Variants in CCDC66 observed in about 807,000 individuals in gnomAD.
CCDC66 encodes the protein coiled-coil domain-containing protein 66.
Under a neutral mutation model 128.3 loss-of-function variants are expected in CCDC66, and 133 were observed. The observed-to-expected ratio is 1.04, with a 90% confidence interval of 0.90 to 1.20. CCDC66 has a LOEUF of 1.20. CCDC66 is among the 50% of genes most tolerant of loss of function. The pLI, the probability that CCDC66 is intolerant of heterozygous loss-of-function variation, is 0.00. For missense variants in CCDC66, 1,126 were observed against 1,075.5 expected, an observed-to-expected ratio of 1.05 and a Z score of -0.66; for synonymous variants, 387 against 357.0, an observed-to-expected ratio of 1.08 and a Z score of -0.95.
At chr3:56,560,413 C>T (rs1178277760) in intron 3 of CCDC66, among the ~76,000 whole-genome samples, 1 of 152,044 alleles carries the variant, frequency 6.6e-6, no homozygotes, top group Non-Finnish European at 1.5e-5. Flanking sequence ...CACTATGTTG[C>T]ATAGGCTGGA....
chr3:56,583,335 T>G (rs1270574734), intron 7 of CCDC66, among the ~76,000 whole-genome samples: 3 of 151,870 alleles, frequency 2.0e-5, no homozygotes, highest in Admixed American at 6.6e-5. Flanking sequence ...CATTCTTGGG[T>G]GTTTCTCCCA....
At chr3:56,584,772 A>G (rs2069297501) in intron 7 of CCDC66, among the ~76,000 whole-genome samples, 1 of 151,890 alleles carries the variant, frequency 6.6e-6, no homozygotes, top group Non-Finnish European at 1.5e-5. Flanking sequence ...GCTAGCCGAG[A>G]TCACTCCACT....
At chr3:56,557,331 T>C (rs2107674114) in intron 1 of CCDC66, 78 bp downstream of exon 1, 2 of 1,528,114 alleles carry the variant, frequency 1.3e-6, no homozygotes, top group East Asian at 4.9e-5. Flanking sequence ...GTGTCTGGGT[T>C]GTCCCTTGGA....
In CCDC66 at chr3:56,566,966, C is replaced by G. The variant is rs2065941321; in HGVS notation, c.727C>G (p.Pro243Ala). 1 of 1,613,370 alleles carries G rather than the reference C, an allele frequency of 6.2e-7. No homozygotes were observed. The highest frequency in any genetic ancestry group is 1.3e-5 in the African/African-American group (1 of 74,844). ...TTACCTTAGAGAGAATGAATGGAAACCAGCTGATATATTCAGTACTCTGGG... is the reference window on the plus strand; with the variant it reads ...TTACCTTAGAGAGAATGAATGGAAAGCAGCTGATATATTCAGTACTCTGGG... ...QKIAIENEWKPADIFSTLGER... is the reference protein window; with the variant it reads ...QKIAIENEWKAADIFSTLGER... Residue 243 changes from proline to alanine, a missense_variant, in exon 6 of 18, where the codon CCA (proline) becomes GCA (alanine). Physicochemically the swap from Pro to Ala is conservative, Grantham distance 27. Transcript: ENST00000394672.
intron 7 of CCDC66, among the ~76,000 whole-genome samples, chr3:56,590,793 C>T (rs1230518396): frequency 6.6e-6 from 1 of 151,762 alleles, no homozygotes; most frequent in Non-Finnish European, 1.5e-5. Context: ...GCTCCAAACA[C>T]GTTTAGGAAA....
At chr3:56,567,497 A>G (rs1011154330) in intron 6 of CCDC66, among the ~76,000 whole-genome samples, 1 of 152,242 alleles carries the variant, frequency 6.6e-6, no homozygotes, top group African/African-American at 2.4e-5. Context: ...GACAAAAGGC[A>G]AATTAATAAA....
intron 7 of CCDC66, among the ~76,000 whole-genome samples, chr3:56,584,315 GGGGTTCTTC>G (rs2069131226): frequency 6.7e-6 from 1 of 149,308 alleles, no homozygotes; most frequent in African/African-American, 2.5e-5. Flanking sequence ...GCCGGGCGGA[GGGGTTCTTC>G]ACTTCTCAGA....
rs1372926533 is a variant in CCDC66, at chr3:56,566,616, C to T, written c.567C>T (p.Asn189=). The change falls in exon 5 of 18, where the codon AAC becomes AAT. Residue 189 remains asparagine (N), a synonymous_variant. Coordinates refer to ENST00000394672, the MANE Select transcript of CCDC66 (RefSeq NM_001141947.3). The stretch of plus-strand genomic sequence containing the variant: ...TAGGTCAATATAGTCTATATTTAAA[C>T]AGTATTTCTAATCAGCCAAAGGATG... The part of the protein sequence containing the change: ...EAKSQYSLYL[N]SISNQPKDEN... 5 of 1,582,660 alleles carry T rather than the reference C, an allele frequency of 3.2e-6. No individual in the cohort carries two copies. Among genetic ancestry groups the T allele is most frequent in the Middle Eastern group, 1.7e-4 (1 of 5,940 alleles).
chr3:56,585,171 T>C (rs2069442614), intron 7 of CCDC66, among the ~76,000 whole-genome samples: 1 of 151,582 alleles, frequency 6.6e-6, no homozygotes, highest in South Asian at 2.1e-4. Flanking sequence ...TTAAGAGTTT[T>C]TTAAGAAAAT....
At chr3:56,613,805 G>C in intron 11 of CCDC66, 55 bp downstream of exon 11, 3 of 1,442,738 alleles carry the variant, frequency 2.1e-6, no homozygotes, top group Non-Finnish European at 2.9e-6. Context: ...TTTTGAGACA[G>C]GGTCTCACTC....
Position 56,613,513 on chromosome 3 carries a change from C to T in CCDC66, c.1405-76C>T. The T allele has an allele frequency of 3.3e-6, 5 of 1,521,888 alleles. No individual in the cohort carries two copies. The South Asian group carries it at 6.5e-5, about 20-fold the overall frequency. 94.3% of individuals were successfully genotyped at this position (1,521,888 alleles called of 1,614,324 possible). Reference sequence around the variant, plus strand: ...TGGAAGAGGTGAGCACTGAATGTATCTAGTCAGCCATCTTGAATTCCCTCC... The same window carrying T: ...TGGAAGAGGTGAGCACTGAATGTATTTAGTCAGCCATCTTGAATTCCCTCC... On this transcript the variant is annotated intron_variant, in intron 10 of 17. Coordinates refer to ENST00000394672, the MANE Select transcript of CCDC66 (RefSeq NM_001141947.3).
intron 7 of CCDC66, among the ~76,000 whole-genome samples, chr3:56,590,854 A>T (rs2070757320): frequency 1.3e-5 from 2 of 152,244 alleles, no homozygotes; most frequent in South Asian, 4.1e-4. Flanking sequence ...AGATAGAGTG[A>T]AAAAGTCAGT....
Position 56,570,085 on chromosome 3 carries a change from C to G in CCDC66, c.815-1096C>G, listed in dbSNP as rs1014539730. ...TCCTAACCTCAGGTGATCCGCCTGC[C>G]TTGGCCTCCCGAAGTGCTGTGATTA... On this transcript the variant is annotated intron_variant, in intron 6 of 17. Coordinates refer to ENST00000394672, the MANE Select transcript of CCDC66 (RefSeq NM_001141947.3). 2.0e-5 allele frequency: 3 copies of G among 152,390 alleles called. No homozygotes were observed. In the East Asian group the frequency reaches 5.8e-4, roughly 29 times the overall value. The allele number at this position is 152,390 out of a possible 1,614,324, so 9.4% of individuals were successfully genotyped here.
intron 17 of CCDC66, 117 bp downstream of exon 17, chr3:56,620,018 T>C (rs2076170163): frequency 9.2e-7 from 1 of 1,090,006 alleles, no homozygotes; most frequent in Non-Finnish European, 1.3e-6. Context: ...TTAACAAAAA[T>C]ATTTCAGTTC....
At chr3:56,606,963 T>G (rs748229575) in intron 10 of CCDC66, among the ~76,000 whole-genome samples, 28 of 152,136 alleles carry the variant, frequency 1.8e-4, no homozygotes, top group Non-Finnish European at 3.1e-4. Context: ...AGTATTTGGG[T>G]TTATTTCTGG....
rs534141266 is a variant in CCDC66, at chr3:56,562,865, T to C, written c.103-819T>C. Among the ~76,000 whole-genome samples the C allele has an allele frequency of 5.3e-5, 8 of 151,602 alleles. No homozygotes were observed. The South Asian group carries it at 1.5e-3, about 28-fold the overall frequency. On this transcript the variant is annotated intron_variant, in intron 3 of 17. Transcript: ENST00000394672. The stretch of plus-strand genomic sequence containing the variant: ...TTTTACCTTGTTGGCCAGGCTGGCC[T>C]TGAACTCCTGACCTCAGGCAATCCA...
At chr3:56,587,597 G>C (rs1313154140) in intron 7 of CCDC66, among the ~76,000 whole-genome samples, 2 of 152,164 alleles carry the variant, frequency 1.3e-5, no homozygotes, top group Non-Finnish European at 1.5e-5. Flanking sequence ...TAGGCTGGGC[G>C]TGGTGGCTCA....
intron 7 of CCDC66, among the ~76,000 whole-genome samples, chr3:56,590,758 AAAAT>A (rs2070739220): frequency 1.3e-5 from 2 of 152,246 alleles, no homozygotes; most frequent in South Asian, 4.1e-4. Context: ...CTAAAAAAAA[AAAAT>A]AAAAACACAA....
At chr3:56,591,978 A>G (rs2070989078) in intron 7 of CCDC66, among the ~76,000 whole-genome samples, 1 of 152,210 alleles carries the variant, frequency 6.6e-6, no homozygotes, top group South Asian at 2.1e-4. Flanking sequence ...GAAGAATTTG[A>G]GTAGAATATA....
Sources: gnomAD v4.1 joint callset for allele counts (sites outside exome capture counted in the v4.1 genomes callset) on GRCh38, gnomAD v4.1.1 for gene constraint, MANE v1.5 for transcripts, NCBI Gene and HGNC (gene_info 2026-07-23, HGNC 2026-07-21) for gene names.